Variants in ELK1 observed in about 807,000 individuals in gnomAD.
The protein encoded by ELK1 is ETS domain-containing protein Elk-1.
For missense variants in ELK1, 254 were observed against 381.5 expected (o/e 0.67, Z 2.78); for synonymous variants, 163 against 176.3 (o/e 0.92, Z 0.60).
rs775785466 is a variant in ELK1 at position 47,637,797 on chromosome X, G to A, written c.1040C>T (p.Ala347Val). ...GGATGGGGTCAGCGCCGGCCCCGGA[G>A]CCTGGAGGCCGGAGCCACTTCCCGA... ...PGSGSGSGLQ[A>V]PGPALTPSLL... Residue 347 changes from alanine to valine, a missense_variant, in exon 5 of 7, where the codon GCT (alanine) becomes GTT (valine). Coordinates refer to ENST00000376983, the MANE Select transcript of ELK1 (RefSeq NM_001114123.3). 2 of 1,195,776 alleles carry A rather than the reference G, an allele frequency of 1.7e-6. No individual in the cohort carries two copies. Among genetic ancestry groups the A allele is most frequent in the South Asian group, 3.6e-5 (2 of 55,171 alleles).
rs1218128565 is a variant in ELK1 at position 47,638,988 on chromosome X, T to C, written c.561A>G (p.Ala187=). 2.2e-5 allele frequency: 26 copies of C among 1,198,221 alleles called. No homozygotes were observed. The highest frequency in any genetic ancestry group is 2.9e-5 in the Non-Finnish European group (26 of 889,181). The change falls in exon 4 of 7, where the codon GCA becomes GCG. Residue 187 remains alanine (A), a synonymous_variant. Transcript: ENST00000376983. ...TCCCCGAGGGGGGCGCTGCTGCCCC[T>C]GCAGGAGCTGCACTGGGGAGCACCA... ...PAVVLPSAAP[A]GAAAPPSGSR...
chrX:47,638,938 A>G lies in ELK1; in HGVS notation c.611T>C (p.Leu204Ser), dbSNP rs774557863. 6.7e-6 allele frequency: 8 copies of G among 1,202,870 alleles called. No individual in the cohort carries two copies. Among genetic ancestry groups the G allele is most frequent in the Non-Finnish European group, 9.0e-6 (8 of 891,406 alleles). Residue 204 changes from leucine to serine, a missense_variant, in exon 4 of 7, where the codon TTG becomes TCG. By Grantham distance (145) the Leu-to-Ser change is moderately radical (BLOSUM62 -2). Transcript: ENST00000376983. The stretch of plus-strand genomic sequence containing the variant: ...CTCTTCAGCCTCCAGACAGGCCTCC[A>G]AGGGGCTTGGACTGGTGCTCCTGCT... The part of the protein sequence containing the change: ...SGSRSTSPSP[L>S]EACLEAEEAG...
intron 2 of ELK1, among the ~76,000 whole-genome samples, chrX:47,642,805 G>T (rs758190893): frequency 9.0e-6 from 1 of 111,196 alleles, no homozygotes; most frequent in East Asian, 2.8e-4. Context: ...CACCATGTTG[G>T]CCAGACTGGT....
At chrX:47,639,447 C>A in intron 3 of ELK1, 109 bp from the exon 4 acceptor site, 1 of 695,888 alleles carries the variant, frequency 1.4e-6, no homozygotes, top group Admixed American at 2.6e-5. Flanking sequence ...CTCCTAGTGG[C>A]TTTCTTCCCA....
rs1283056574 is a variant in ELK1, at chrX:47,641,222, G to A, written c.210+10C>T. 8.3e-7 allele frequency: 1 copy of A among 1,209,532 alleles called. No individual in the cohort carries two copies. Among genetic ancestry groups the A allele is most frequent in the African/African-American group, 1.7e-5 (1 of 57,213 alleles). ...GGGGGGGGTTCCAGCCCTGGTCTGA[G>A]AGACTGTACCTTGTCATAGTAGTAC... On this transcript the variant is annotated intron_variant, in intron 3 of 6. Coordinates refer to ENST00000376983, the MANE Select transcript of ELK1 (RefSeq NM_001114123.3).
In ELK1 at chrX:47,641,293, T is replaced by C; in HGVS notation, c.149A>G (p.Lys50Arg). Residue 50 changes from lysine to arginine, a missense_variant, in exon 3 of 7, where the codon AAG (lysine) becomes AGG (arginine). Lys to Arg is a conservative substitution (Grantham distance 26). Coordinates refer to ENST00000376983, the MANE Select transcript of ELK1 (RefSeq NM_001114123.3). ...GTCGTAATTCATGTTGGTCTTGTTC[T>C]TGCGTAGCCCCCACAGCCGGGCCAC... ...EEVARLWGLR[K>R]NKTNMNYDKL... 1 of 1,212,081 alleles carries C rather than the reference T, an allele frequency of 8.3e-7. No individual in the cohort carries two copies. The highest frequency in any genetic ancestry group is 1.1e-6 in the Non-Finnish European group (1 of 895,592).
chrX:47,640,892 C>T (rs2058026153), intron 3 of ELK1, among the ~76,000 whole-genome samples: 1 of 111,573 alleles, frequency 9.0e-6, no homozygotes, highest in African/African-American at 3.3e-5. Flanking sequence ...TGAGGACCAG[C>T]CATTATTAAC....
chrX:47,641,502 G>A (rs2058028570), intron 2 of ELK1, 27 bp from the exon 3 acceptor site: 1 of 1,105,189 alleles, frequency 9.0e-7, no homozygotes, highest in Non-Finnish European at 1.2e-6. Flanking sequence ...TGAGTTGAGA[G>A]GCTGTGGACA....
Position 47,638,925 on chromosome X carries a change from C to T in ELK1, c.624G>A (p.Leu208=), listed in dbSNP as rs373843479. The part of the protein sequence containing the change: ...STSPSPLEAC[L]EAEEAGLPLQ... ...GAGGCAAGCCGGCCTCTTCAGCCTC[C>T]AGACAGGCCTCCAAGGGGCTTGGAC... Residue 208 remains leucine (L), a synonymous_variant, in exon 4 of 7, where the codon CTG becomes CTA. Coordinates refer to ENST00000376983, the MANE Select transcript of ELK1 (RefSeq NM_001114123.3). 3.8e-5 allele frequency: 46 copies of T among 1,204,115 alleles called. No homozygotes were observed. Among genetic ancestry groups the T allele is most frequent in the Non-Finnish European group, 5.0e-5 (45 of 892,104 alleles).
At chrX:47,641,020 G>A (rs1005942610) in intron 3 of ELK1, among the ~76,000 whole-genome samples, 2 of 111,593 alleles carry the variant, frequency 1.8e-5, no homozygotes, top group African/African-American at 6.5e-5. Flanking sequence ...TATTAATAAT[G>A]CAGTGGTGGT....
chrX:47,637,044 G>A lies in ELK1; in HGVS notation c.1157C>T (p.Ala386Val), dbSNP rs202001852. 51 of 1,208,489 alleles carry A rather than the reference G, an allele frequency of 4.2e-5. No homozygotes were observed. Among genetic ancestry groups the A allele is most frequent in the East Asian group, 1.8e-4 (6 of 33,709 alleles). Residue 386 changes from alanine (A) to valine (V), a missense_variant, in exon 6 of 7, where the codon GCG becomes GTG. Physicochemically the swap from Ala to Val is moderately conservative, Grantham distance 64. Coordinates refer to ENST00000376983, the MANE Select transcript of ELK1 (RefSeq NM_001114123.3). ...IHFWSTLSPI[A>V]PRSPAKLSFQ... ...GGAGAGCTTGGCCGGGCTACGGGGCGCAATGGGACTCAGGGTGCTCCAGAA... is the reference window on the plus strand; with the variant it reads ...GGAGAGCTTGGCCGGGCTACGGGGCACAATGGGACTCAGGGTGCTCCAGAA...
chrX:47,639,664 A>G (rs1197598762), intron 3 of ELK1, among the ~76,000 whole-genome samples: 4 of 108,240 alleles, frequency 3.7e-5, no homozygotes, highest in African/African-American at 1.4e-4. Context: ...TCCCTTTGTC[A>G]CTCTCCAGGT....
intron 3 of ELK1, 34 bp downstream of exon 3, chrX:47,641,198 G>T: frequency 8.4e-7 from 1 of 1,188,139 alleles, no homozygotes; most frequent in East Asian, 3.0e-5. Context: ...TAAATGTCAG[G>T]GGGGGGTTCC....
Position 47,637,739 on chromosome X carries a change from G to C in ELK1, c.1086+12C>G. On this transcript the variant is annotated intron_variant, in intron 5 of 6. Coordinates refer to ENST00000376983, the MANE Select transcript of ELK1 (RefSeq NM_001114123.3). ...TGGCGCCCACACACCCCACCCCTCC[G>C]CAGGCACTCACCAATGTATGCGTAG... 8.5e-7 allele frequency: 1 copy of C among 1,178,470 alleles called. No homozygotes were observed. Among genetic ancestry groups the C allele is most frequent in the African/African-American group, 1.7e-5 (1 of 57,220 alleles).
intron 3 of ELK1, among the ~76,000 whole-genome samples, chrX:47,640,506 G>A (rs1360628156): frequency 2.7e-5 from 3 of 110,966 alleles, no homozygotes; most frequent in African/African-American, 9.9e-5. Context: ...ATATTGGGGG[G>A]AGGAGAAACC....
At chrX:47,641,962 T>C (rs2058030181) in intron 2 of ELK1, among the ~76,000 whole-genome samples, 1 of 112,176 alleles carries the variant, frequency 8.9e-6, no homozygotes, top group Non-Finnish European at 1.9e-5. Flanking sequence ...AGAGATGTGA[T>C]GACAGAAGAG....
intron 1 of ELK1, 82 bp downstream of exon 1, chrX:47,650,341 C>G (rs2058057934): frequency 8.3e-6 from 2 of 242,109 alleles, no homozygotes; most frequent in Non-Finnish European, 1.6e-5. Flanking sequence ...GGCCACCGGC[C>G]AAGCCACATC....
chrX:47,639,317 C>T lies in ELK1; in HGVS notation c.232G>A (p.Gly78Ser). ...YDKNIIRKVS[G>S]QKFVYKFVSY... ...ACAAACTTGTAGACGAACTTCTGGC[C>T]GCTCACCTTGCGGATGATGTTCTAG... The change falls in exon 4 of 7, where the codon GGC becomes AGC. Residue 78 changes from glycine to serine, a missense_variant. By Grantham distance (56) the Gly-to-Ser change is moderately conservative. Coordinates refer to ENST00000376983, the MANE Select transcript of ELK1 (RefSeq NM_001114123.3). 8.3e-7 allele frequency: 1 copy of T among 1,206,528 alleles called. No homozygotes were observed.
chrX:47,649,053 G>A (rs1427266314), intron 2 of ELK1: 2 of 111,411 alleles, frequency 1.8e-5, no homozygotes, highest in Non-Finnish European at 3.8e-5. Flanking sequence ...AGTACTTCCT[G>A]GGCCACCTTT....
Sources: gnomAD v4.1 joint callset for allele counts (sites outside exome capture counted in the v4.1 genomes callset) on GRCh38, gnomAD v4.1.1 for gene constraint, MANE v1.5 for transcripts, NCBI Gene and HGNC (gene_info 2026-07-23, HGNC 2026-07-21) for gene names.